The following PTPRJ variants were observed in gnomAD, a reference collection of about 807,000 sequenced individuals.
PTPRJ encodes receptor-type tyrosine-protein phosphatase eta.
In PTPRJ, 129 loss-of-function variants were observed where a neutral mutation model predicts 141.3. The observed-to-expected ratio is 0.91, with a 90% CI of 0.79 to 1.06. The LOEUF (loss-of-function observed/expected upper bound fraction) is 1.06. PTPRJ is among the 50% of genes least tolerant of loss of function. The pLI, the probability that PTPRJ is intolerant of heterozygous loss-of-function variation, is 0.00. For synonymous variants in PTPRJ, 610 were observed against 640.5 expected (o/e 0.95, Z 0.72); for missense variants, 1,601 against 1,679.7 (o/e 0.95, Z 0.82).
chr11:48,078,795 GT>G (rs55980751), intron 1 of PTPRJ, among the ~76,000 whole-genome samples: 3,462 of 96,318 alleles, frequency 0.036, 49 homozygotes, highest in African/African-American at 0.1. Context: ...TCTGTAAATA[GT>G]TTTTTTTTTT....
chr11:48,131,528 C>T, intron 8 of PTPRJ: 1 of 775,816 alleles, frequency 1.3e-6, no homozygotes, highest in Non-Finnish European at 2.4e-6. Context: ...TGAACACCTG[C>T]CTGGAATTCC....
In PTPRJ at chr11:48,107,862, T is replaced by A. The variant is rs552496352; in HGVS notation, c.97-2196T>A. ...CTTTGGGAAGCCAAGGTGGGAGGATTGCTTGAGCCCAGGAGCTTCTGACCA... is the reference window on the plus strand; with the variant it reads ...CTTTGGGAAGCCAAGGTGGGAGGATAGCTTGAGCCCAGGAGCTTCTGACCA... On this transcript the variant is annotated intron_variant, in intron 1 of 24. Transcript: ENST00000418331. Among the ~76,000 whole-genome samples, 4 of 152,104 alleles carry A rather than the reference T, an allele frequency of 2.6e-5. No individual in the cohort carries two copies. The South Asian group carries it at 8.3e-4, about 32-fold the overall frequency.
intron 1 of PTPRJ, among the ~76,000 whole-genome samples, chr11:47,986,369 A>G (rs1340730739): frequency 6.6e-6 from 1 of 152,178 alleles, no homozygotes; most frequent in Non-Finnish European, 1.5e-5. Context: ...TGGGACTAAC[A>G]CTTCCTGCTT....
At position 48,106,767 on chromosome 11, in the gene PTPRJ, T is replaced by TTTC. The variant is rs1856299265; in HGVS notation, c.97-3289_97-3288insCTT. Reference sequence around the variant, plus strand: ...TTTTCTTTTCTTTCTTTCTTTCTTTTTTTTTTTTTTTTTTTTTTTAAGACA... The same window carrying TTTC: ...TTTTCTTTTCTTTCTTTCTTTCTTTTTTCTTTTTTTTTTTTTTTTTTTAAGACA... On this transcript the variant is annotated intron_variant, in intron 1 of 24. Transcript: ENST00000418331. Among the ~76,000 whole-genome samples, 22 of 125,036 alleles carry TTTC rather than the reference T, an allele frequency of 1.8e-4. 1 individual carries two copies. Among genetic ancestry groups the TTTC allele is most frequent in the African/African-American group, 2.4e-4 (8 of 33,538 alleles). The allele number at this position is 125,036 out of a possible 152,430, so 82.0% of individuals were successfully genotyped here.
intron 1 of PTPRJ, among the ~76,000 whole-genome samples, chr11:48,085,965 G>T (rs1590483552): frequency 6.6e-6 from 1 of 152,238 alleles, no homozygotes; most frequent in South Asian, 2.1e-4. Context: ...CCAGGGGTCT[G>T]GGGGTGGGGT....
At chr11:48,156,156 C>T (rs957755634) in intron 21 of PTPRJ, 37 bp downstream of exon 21, 17 of 1,497,758 alleles carry the variant, frequency 1.1e-5, no homozygotes, top group Non-Finnish European at 1.5e-5. Context: ...TTTAAAATTA[C>T]ATTAATTGCT....
intron 1 of PTPRJ, among the ~76,000 whole-genome samples, chr11:48,072,652 C>T (rs1855292053): frequency 6.6e-6 from 1 of 152,168 alleles, no homozygotes; most frequent in African/African-American, 2.4e-5. Context: ...CAGGAGTGTT[C>T]ACATAGAAAC....
At chr11:48,007,095 CTTTT>C (rs886178897) in intron 1 of PTPRJ, among the ~76,000 whole-genome samples, 1 of 148,358 alleles carries the variant, frequency 6.7e-6, no homozygotes, top group Non-Finnish European at 1.5e-5. Context: ...AGTCCTGTTT[CTTTT>C]TTTTTTCTTT....
chr11:48,153,992 A>G (rs2134379371), intron 19 of PTPRJ, 106 bp downstream of exon 19: 4 of 776,570 alleles, frequency 5.2e-6, no homozygotes, highest in Non-Finnish European at 6.7e-6. Context: ...CACTTCCACA[A>G]CCATTCATTA....
At chr11:48,106,763 C>CTTTTTTTTTT (rs35643138) in intron 1 of PTPRJ, among the ~76,000 whole-genome samples, 3 of 86,452 alleles carry the variant, frequency 3.5e-5, no homozygotes, top group Admixed American at 1.3e-4. Flanking sequence ...TTCTTTCTTT[C>CTTTTTTTTTT]TTTTTTTTTT....
At chr11:48,107,675 A>G (rs560954218) in intron 1 of PTPRJ, among the ~76,000 whole-genome samples, 3 of 152,336 alleles carry the variant, frequency 2.0e-5, no homozygotes, top group South Asian at 2.1e-4. Flanking sequence ...GTTGAGGTCA[A>G]GATCTGGGTT....
chr11:48,052,376 G>C (rs1393197708), intron 1 of PTPRJ, among the ~76,000 whole-genome samples: 2 of 152,166 alleles, frequency 1.3e-5, no homozygotes, highest in Non-Finnish European at 2.9e-5. Flanking sequence ...TCTTTTCCTT[G>C]CCAGGACTTC....
chr11:48,147,019 A>G (rs1345831704), intron 15 of PTPRJ, 56 bp downstream of exon 15: 1 of 1,473,764 alleles, frequency 6.8e-7, no homozygotes, highest in African/African-American at 1.4e-5. Flanking sequence ...CTTTCTATTA[A>G]GGAACATTTC....
intron 12 of PTPRJ, among the ~76,000 whole-genome samples, chr11:48,144,424 C>T (rs575498945): frequency 6.6e-6 from 1 of 152,270 alleles, no homozygotes; most frequent in South Asian, 2.1e-4. Flanking sequence ...GTCCTGTTAG[C>T]CTTTTGTACC....
intron 1 of PTPRJ, among the ~76,000 whole-genome samples, chr11:48,071,607 C>CT (rs35993560): frequency 0.11 from 9,033 of 82,412 alleles, 1,666 homozygotes; most frequent in African/African-American, 0.18. Flanking sequence ...CGCACCCAGC[C>CT]TTTTTTTTTT....
chr11:48,055,890 C>T (rs757391507), intron 1 of PTPRJ, among the ~76,000 whole-genome samples: 22 of 152,192 alleles, frequency 1.4e-4, no homozygotes, highest in Non-Finnish European at 2.5e-4. Flanking sequence ...CACTCTGATC[C>T]CTTTCCAGGC....
intron 6 of PTPRJ, among the ~76,000 whole-genome samples, chr11:48,127,428 T>C (rs893148878): frequency 2.0e-5 from 3 of 152,128 alleles, no homozygotes; most frequent in African/African-American, 7.2e-5. Flanking sequence ...TAGATCGCAG[T>C]GTTCGCTCTT....
chr11:48,167,054 C>T, intron 24 of PTPRJ, 150 bp from the exon 25 acceptor site: 2 of 661,684 alleles, frequency 3.0e-6, no homozygotes, highest in African/African-American at 1.8e-5. Flanking sequence ...ATGTTGTTAC[C>T]TCTTGAAACA....
chr11:48,115,370 T>TA (rs938997334), intron 3 of PTPRJ, among the ~76,000 whole-genome samples: 23 of 152,152 alleles, frequency 1.5e-4, no homozygotes, highest in African/African-American at 5.1e-4. Context: ...AGCAGAAACT[T>TA]ACAGGCCAGG....
Sources: gnomAD v4.1 joint callset for allele counts (sites outside exome capture counted in the v4.1 genomes callset) on GRCh38, gnomAD v4.1.1 for gene constraint, MANE v1.5 for transcripts, NCBI Gene and HGNC (gene_info 2026-07-23, HGNC 2026-07-21) for gene names.